RAB33B: variants seen among roughly 807,000 people sequenced by gnomAD.
RAB33B encodes the protein RAB33B, member RAS oncogene family.
Under a neutral mutation model 15.0 loss-of-function variants are expected in RAB33B, and 6 were observed. That is an observed-to-expected ratio of 0.40 (90% CI 0.22 to 0.79). The LOEUF (loss-of-function observed/expected upper bound fraction) is 0.79. Ranked by LOEUF, RAB33B falls within the 30% of genes least tolerant of loss-of-function variation. RAB33B has a pLI of 0.37. For synonymous variants in RAB33B, 117 were observed against 108.3 expected (o/e 1.08, Z -0.50); for missense variants, 257 against 296.4 (o/e 0.87, Z 0.98).
intron 1 of RAB33B, among the ~76,000 whole-genome samples, chr4:139,467,197 G>A (rs1057164684): frequency 8.7e-5 from 13 of 150,138 alleles, no homozygotes; most frequent in Non-Finnish European, 1.6e-4. Flanking sequence ...ATGAACTCCT[G>A]GACTCATGTG....
chr4:139,447,889 G>A, the RAB33B span, among the ~76,000 whole-genome samples: 16 of 151,886 alleles, frequency 1.1e-4, no homozygotes, highest in South Asian at 1.2e-3. Context: ...GGATGGTCTC[G>A]ATCTCCTGAC....
chr4:139,447,957 G>A, the RAB33B span, among the ~76,000 whole-genome samples: 2,517 of 151,760 alleles, frequency 0.017, 62 homozygotes, highest in African/African-American at 0.056. Flanking sequence ...GTGAGCCACC[G>A]CGCCCGGCCC....
rs769654363 is a variant in RAB33B at position 139,475,950 on chromosome 4, A to G, written c.*2824A>G. ...TATTTTCTTTGTTTGGTTACTGGGT[A>G]GAGTATAAAATAAAACAATCTTTTT... On this transcript the variant is annotated 3_prime_UTR_variant, in exon 2 of 2. Transcript: ENST00000305626. 1.3e-5 allele frequency: 2 copies of G among 152,214 alleles called. No homozygotes were observed. The highest frequency in any genetic ancestry group is 2.9e-5 in the Non-Finnish European group (2 of 68,022). The allele number at this position is 152,214 out of a possible 1,614,324, so 9.4% of individuals were successfully genotyped here.
chr4:139,450,466 G>A (rs953428233), upstream of RAB33B: 4 of 152,214 alleles, frequency 2.6e-5, no homozygotes, highest in African/African-American at 9.6e-5. Context: ...TAGGCTCAAG[G>A]AGTGCCAGTG....
At chr4:139,463,524 G>A (rs1277881356) in intron 1 of RAB33B, among the ~76,000 whole-genome samples, 1 of 152,164 alleles carries the variant, frequency 6.6e-6, no homozygotes, top group Non-Finnish European at 1.5e-5. Context: ...AGATATTTAA[G>A]TATTAAATTG....
At chr4:139,459,177 C>T (rs1487018003) in intron 1 of RAB33B, among the ~76,000 whole-genome samples, 1 of 150,490 alleles carries the variant, frequency 6.6e-6, no homozygotes, top group African/African-American at 2.4e-5. Context: ...TCCAGTGACT[C>T]ACACCTGTAA....
intron 1 of RAB33B, among the ~76,000 whole-genome samples, chr4:139,465,764 C>T (rs1398781989): frequency 1.4e-5 from 2 of 146,438 alleles, no homozygotes; most frequent in Non-Finnish European, 3.0e-5. Flanking sequence ...AGGTCTCACT[C>T]TGTTGCCCAG....
At chr4:139,457,359 C>T (rs12651431) in intron 1 of RAB33B, among the ~76,000 whole-genome samples, 30,918 of 152,144 alleles carry the variant, frequency 0.2, 3,482 homozygotes, top group Non-Finnish European at 0.26. Context: ...GCTCCTTCCT[C>T]GTGTGTATAT....
intron 1 of RAB33B, among the ~76,000 whole-genome samples, chr4:139,470,724 G>T (rs1017295398): frequency 2.6e-5 from 4 of 152,104 alleles, no homozygotes; most frequent in Admixed American, 2.0e-4. Flanking sequence ...TTTTTTCAGG[G>T]CCCGAAGGCT....
At chr4:139,448,883 TGTTA>T (rs1201561082), upstream of RAB33B, 1 of 152,280 alleles carries the variant, frequency 6.6e-6, no homozygotes, top group Non-Finnish European at 1.5e-5. Context: ...CACAAGTGTG[TGTTA>T]GTGTGTGCAT....
At chr4:139,464,388 T>TTTG (rs1478262989) in intron 1 of RAB33B, among the ~76,000 whole-genome samples, 11 of 74,870 alleles carry the variant, frequency 1.5e-4, no homozygotes, top group African/African-American at 6.3e-4. Flanking sequence ...GGAATACTGT[T>TTTG]TTTTTTTTTT....
chr4:139,466,772 G>T (rs895824312), intron 1 of RAB33B, among the ~76,000 whole-genome samples: 4 of 151,656 alleles, frequency 2.6e-5, no homozygotes, highest in Non-Finnish European at 5.9e-5. Flanking sequence ...TAGAGACGGG[G>T]TTTTGCCCTG....
chr4:139,445,127 G>A, the RAB33B span, among the ~76,000 whole-genome samples: 1 of 152,226 alleles, frequency 6.6e-6, no homozygotes, highest in Non-Finnish European at 1.5e-5. Context: ...CGGTTTCACT[G>A]CTTGAGCAAA....
chr4:139,453,977 G>C, upstream of RAB33B: 1 of 429,256 alleles, frequency 2.3e-6, no homozygotes. Flanking sequence ...GTGTGGCCGC[G>C]GGCAGGCGGC....
At chr4:139,443,940 C>T in the RAB33B span, among the ~76,000 whole-genome samples, 1 of 152,172 alleles carries the variant, frequency 6.6e-6, no homozygotes, top group Non-Finnish European at 1.5e-5. Context: ...CCCCCAATAC[C>T]CTTGTTTGCT....
At chr4:139,449,218 T>G (rs1749880112), upstream of RAB33B, 1 of 152,242 alleles carries the variant, frequency 6.6e-6, no homozygotes, top group Non-Finnish European at 1.5e-5. Context: ...ATTGTTAACT[T>G]TATGTAATAG....
intron 1 of RAB33B, among the ~76,000 whole-genome samples, chr4:139,456,705 A>G (rs562471677): frequency 1.4e-4 from 21 of 152,366 alleles, no homozygotes; most frequent in African/African-American, 4.8e-4. Flanking sequence ...TTGTGCCACC[A>G]ATGGTGAGAC....
At chr4:139,455,753 G>C (rs1192933229) in intron 1 of RAB33B, among the ~76,000 whole-genome samples, 1 of 152,174 alleles carries the variant, frequency 6.6e-6, no homozygotes, top group Non-Finnish European at 1.5e-5. Flanking sequence ...AGAAGCCTTT[G>C]GGGTGAAAAA....
At chr4:139,441,069 G>A in the RAB33B span, among the ~76,000 whole-genome samples, 13 of 152,116 alleles carry the variant, frequency 8.5e-5, no homozygotes, top group Non-Finnish European at 1.5e-4. Flanking sequence ...GCTAAGTGTC[G>A]GCTATTCTAA....
Sources: allele counts gnomAD v4.1 joint callset (sites outside exome capture counted in the v4.1 genomes callset), GRCh38; gene constraint gnomAD v4.1.1; transcripts MANE v1.5; gene names NCBI Gene and HGNC (gene_info 2026-07-23, HGNC 2026-07-21).